NTSR1: variants seen among roughly 807,000 people sequenced by gnomAD.
The protein encoded by NTSR1 is neurotensin receptor 1, also known as neurotensin receptor type 1.
NTSR1 carries 29 observed loss-of-function variants against 31.2 expected under a neutral mutation model. That is an observed-to-expected ratio of 0.93 (90% confidence interval 0.69 to 1.27). The LOEUF (loss-of-function observed/expected upper bound fraction) is 1.27, where lower values mean the gene tolerates loss of function less well. NTSR1 is among the 50% of genes most tolerant of loss of function. NTSR1 has a pLI of 0.00. For synonymous variants in NTSR1, 282 were observed against 269.9 expected (o/e 1.04, Z -0.44); for missense variants, 697 against 595.4 (o/e 1.17, Z -1.78).
At position 62,760,180 on chromosome 20, in the gene NTSR1, G is replaced by A; in HGVS notation, c.1170G>A (p.Arg390=). Residue 390 remains arginine (R), a synonymous_variant, in exon 4 of 4, where the codon AGG becomes AGA. Transcript: ENST00000370501. The stretch of plus-strand genomic sequence containing the variant: ...TCTGCCCGGTGTGGCGGCGCAGGAG[G>A]AAGAGGCCAGCCTTCTCGAGGAAGG... ...ACLCPVWRRR[R]KRPAFSRKAD... 2 of 1,614,058 alleles carry A rather than the reference G, an allele frequency of 1.2e-6. No individual in the cohort carries two copies. The highest frequency in any genetic ancestry group is 1.7e-6 in the Non-Finnish European group (2 of 1,180,016).
chr20:62,758,423 T>G lies in NTSR1; in HGVS notation c.1007+67T>G, dbSNP rs1989553958. ...GTGCTCCCAAAACAGATGGTGGGTG[T>G]GGCAGGCACTGCTGAGGGGATCCAC... On this transcript the variant is annotated intron_variant, in intron 3 of 3. Coordinates refer to ENST00000370501, the MANE Select transcript of NTSR1 (RefSeq NM_002531.3). This position sits in a 1 kb window ranked among gnomAD's most constrained non-coding sequence, Gnocchi z 4.5. The G allele has an allele frequency of 2.8e-6, 4 of 1,410,124 alleles. No individual in the cohort carries two copies. In the Admixed American group the frequency reaches 6.9e-5, roughly 24 times the overall value. 87.4% of individuals were successfully genotyped at this position (1,410,124 alleles called of 1,614,324 possible).
chr20:62,718,428 G>A (rs986730229), intron 1 of NTSR1, among the ~76,000 whole-genome samples: 2 of 152,234 alleles, frequency 1.3e-5, no homozygotes, highest in East Asian at 3.9e-4. Context: ...CGACTGACAG[G>A]CAATAAGATT....
chr20:62,731,035 C>T (rs772901875), intron 1 of NTSR1, among the ~76,000 whole-genome samples: 34 of 152,180 alleles, frequency 2.2e-4, no homozygotes, highest in Non-Finnish European at 3.5e-4. Flanking sequence ...TCTTCTCATT[C>T]GTTTAACAGT....
At chr20:62,729,829 T>G (rs1988973930) in intron 1 of NTSR1, among the ~76,000 whole-genome samples, 1 of 151,974 alleles carries the variant, frequency 6.6e-6, no homozygotes, top group Non-Finnish European at 1.5e-5. Flanking sequence ...CACCATGTTG[T>G]CCAGGCTGGT....
chr20:62,748,004 A>G (rs1482975013), intron 1 of NTSR1, among the ~76,000 whole-genome samples: 3 of 152,132 alleles, frequency 2.0e-5, no homozygotes, highest in Non-Finnish European at 4.4e-5. Context: ...GGCAAAGCCC[A>G]GTATCTACTA....
intron 1 of NTSR1, among the ~76,000 whole-genome samples, chr20:62,728,697 G>A (rs1211246652): frequency 6.6e-6 from 1 of 152,170 alleles, no homozygotes; most frequent in Non-Finnish European, 1.5e-5. Context: ...AAAGGAAACT[G>A]AGTCGCGAAG....
rs1356193699 is a variant in NTSR1 at position 62,742,635 on chromosome 20, A to C, written c.715-12050A>C. 1.3e-5 allele frequency among the ~76,000 whole-genome samples: 2 copies of C among 149,426 alleles called. 1 individual carries two copies. The highest frequency in any genetic ancestry group is 4.5e-4 in the East Asian group (2 of 4,440). On this transcript the variant is annotated intron_variant, in intron 1 of 3. Coordinates refer to ENST00000370501, the MANE Select transcript of NTSR1 (RefSeq NM_002531.3). The surrounding 1 kb of genome is among the most constrained non-coding windows in gnomAD (Gnocchi z 7.1). ...CTGTTTACACAGGGCCCTAGGTCTC[A>C]GGTGTCCTGTGGGTGGCCGCTGCTT...
intron 1 of NTSR1, among the ~76,000 whole-genome samples, chr20:62,723,109 C>G (rs1269011696): frequency 1.3e-5 from 2 of 152,214 alleles, no homozygotes; most frequent in African/African-American, 4.8e-5. Flanking sequence ...ATTTCAGTAA[C>G]TCTCCTTTGA....
At chr20:62,731,889 C>T (rs1387327596) in intron 1 of NTSR1, among the ~76,000 whole-genome samples, 3 of 152,146 alleles carry the variant, frequency 2.0e-5, no homozygotes, top group South Asian at 2.1e-4. Context: ...GAGGCCGAGG[C>T]GGGTGGATCA....
At chr20:62,747,669 A>G (rs1989324344) in intron 1 of NTSR1, among the ~76,000 whole-genome samples, 1 of 152,252 alleles carries the variant, frequency 6.6e-6, no homozygotes, top group Admixed American at 6.5e-5. Flanking sequence ...TAAAGCAGTA[A>G]AAGGCATTCA....
intron 1 of NTSR1, among the ~76,000 whole-genome samples, chr20:62,747,509 C>T (rs1236855379): frequency 6.7e-6 from 1 of 149,374 alleles, no homozygotes; most frequent in Non-Finnish European, 1.5e-5. Context: ...GCTAACACCA[C>T]ACTCAGTGTA....
intron 1 of NTSR1, among the ~76,000 whole-genome samples, chr20:62,723,563 A>T (rs1988858251): frequency 6.6e-6 from 1 of 152,182 alleles, no homozygotes; most frequent in African/African-American, 2.4e-5. Flanking sequence ...GCTGAGGGAT[A>T]AGCCATTCCA....
chr20:62,713,576 T>C (rs1301799313), intron 1 of NTSR1, among the ~76,000 whole-genome samples: 4 of 152,204 alleles, frequency 2.6e-5, no homozygotes, highest in African/African-American at 9.7e-5. Flanking sequence ...GCAGCATCCT[T>C]GTTCTTAGGA....
rs2147130331 is a variant in NTSR1 at position 62,711,195 on chromosome 20, G to GA, written c.714+1276dup. Among the ~76,000 whole-genome samples, 1 of 152,262 alleles carries GA rather than the reference G, an allele frequency of 6.6e-6. No homozygotes were observed. Among genetic ancestry groups the GA allele is most frequent in the South Asian group, 2.1e-4 (1 of 4,824 alleles). ...CTCCCAGTCTCCCTGGCTGCACATAGAACTGGTGGCTACAGGTGTCCCATC... is the reference window on the plus strand; with the variant it reads ...CTCCCAGTCTCCCTGGCTGCACATAGAAACTGGTGGCTACAGGTGTCCCATC... On this transcript the variant is annotated intron_variant, in intron 1 of 3. Transcript: ENST00000370501. The surrounding 1 kb of genome is among the most constrained non-coding windows in gnomAD (Gnocchi z 6.4).
At chr20:62,717,436 G>C (rs1988751511) in intron 1 of NTSR1, among the ~76,000 whole-genome samples, 1 of 152,200 alleles carries the variant, frequency 6.6e-6, no homozygotes, top group African/African-American at 2.4e-5. Flanking sequence ...CCAGAACCCA[G>C]GTTCAAATCC....
intron 1 of NTSR1, among the ~76,000 whole-genome samples, chr20:62,719,562 C>T (rs907969134): frequency 8.6e-5 from 11 of 127,388 alleles, no homozygotes; most frequent in African/African-American, 2.1e-4. Flanking sequence ...TGAAGCTCTG[C>T]GCCTGTTAAA....
intron 1 of NTSR1, among the ~76,000 whole-genome samples, chr20:62,746,171 C>T (rs1989297631): frequency 6.6e-6 from 1 of 152,190 alleles, no homozygotes; most frequent in South Asian, 2.1e-4. Context: ...CCCACACTAC[C>T]CCAGCCTGGC....
intron 1 of NTSR1, among the ~76,000 whole-genome samples, chr20:62,738,192 A>G (rs1324106280): frequency 6.6e-6 from 1 of 152,138 alleles, no homozygotes; most frequent in Non-Finnish European, 1.5e-5. Context: ...AGGGTGCTAG[A>G]TGGCCGGCCT....
Position 62,746,543 on chromosome 20 carries a change from G to GA in NTSR1, c.715-8136dup, listed in dbSNP as rs56709157. On this transcript the variant is annotated intron_variant, in intron 1 of 3. Coordinates refer to ENST00000370501, the MANE Select transcript of NTSR1 (RefSeq NM_002531.3). ...GGTGGAGGGAAGCTAGACTAACCAA[G>GA]AAAAAAGAGAGAAGACATAGCTAAA... Among the ~76,000 whole-genome samples, 1,309 of 151,966 alleles carry GA rather than the reference G, an allele frequency of 8.6e-3. 18 individuals carry two copies. Among genetic ancestry groups the GA allele is most frequent in the African/African-American group, 0.03 (1,251 of 41,434 alleles).
Sources: allele counts gnomAD v4.1 joint callset (sites outside exome capture counted in the v4.1 genomes callset), GRCh38; gene constraint gnomAD v4.1.1; non-coding constraint Gnocchi (gnomAD v3.1); transcripts MANE v1.5; gene names NCBI Gene and HGNC (gene_info 2026-07-23, HGNC 2026-07-21).